IFNB1: variants seen among roughly 807,000 people sequenced by gnomAD.
IFNB1 encodes the protein interferon beta.
For missense variants in IFNB1, 267 were observed against 210.5 expected, an observed-to-expected ratio of 1.27 and a Z score of -1.66; for synonymous variants, 99 against 80.4, an observed-to-expected ratio of 1.23 and a Z score of -1.24.
Position 21,077,758 on chromosome 9 carries a change from A to G in IFNB1, c.112T>C (p.Cys38Arg). 1 of 1,613,894 alleles carries G rather than the reference A, an allele frequency of 6.2e-7. No individual in the cohort carries two copies. Among genetic ancestry groups the G allele is most frequent in the Non-Finnish European group, 8.5e-7 (1 of 1,179,864 alleles). ...GFLQRSSNFQ[C>R]QKLLWQLNGR... is the part of the protein sequence containing the mutation. Reference sequence around the variant, plus strand: ...TTCAATTGCCACAGGAGCTTCTGACACTGAAAATTGCTGCTTCTTTGTAGG... The same window carrying G: ...TTCAATTGCCACAGGAGCTTCTGACGCTGAAAATTGCTGCTTCTTTGTAGG... The change falls in exon 1 of 1, where the codon TGT becomes CGT. Residue 38 changes from cysteine to arginine, a missense_variant. Transcript: ENST00000380232.
Position 21,077,660 on chromosome 9 carries a change from C to T in IFNB1, c.210G>A (p.Gln70=). 6.2e-7 allele frequency: 1 copy of T among 1,613,974 alleles called. No individual in the cohort carries two copies. The highest frequency in any genetic ancestry group is 1.1e-5 in the South Asian group (1 of 91,062). ...DIPEEIKQLQ[Q]FQKEDAALTI... ...TCAATGCGGCGTCCTCCTTCTGGAA[C>T]TGCTGCAGCTGCTTAATCTCCTCAG... Residue 70 remains glutamine, a synonymous_variant, in exon 1 of 1, where the codon CAG becomes CAA. Coordinates refer to ENST00000380232, the MANE Select transcript of IFNB1 (RefSeq NM_002176.4).
At chr9:21,077,467 C>A in the IFNB1 span, 7 of 1,613,974 alleles carry the variant, frequency 4.3e-6, no homozygotes, top group Non-Finnish European at 5.1e-6. Context: ...ATGAGTTTTC[C>A]CCTGGTGAAA....
rs1176132788 is a variant in IFNB1, at chr9:21,077,618, G to C, written c.252C>G (p.Leu84=). 48 of 1,613,952 alleles carry C rather than the reference G, an allele frequency of 3.0e-5. No individual in the cohort carries two copies. Among genetic ancestry groups the C allele is most frequent in the East Asian group, 6.7e-5 (3 of 44,884 alleles). ...GTCTGAAAATAGCAAAGATGTTCTGGAGCATCTCATAGATGGTCAATGCGG... is the reference window on the plus strand; with the variant it reads ...GTCTGAAAATAGCAAAGATGTTCTGCAGCATCTCATAGATGGTCAATGCGG... ...EDAALTIYEM[L]QNIFAIFRQD... Residue 84 remains leucine, a synonymous_variant, in exon 1 of 1, where the codon CTC becomes CTG. Transcript: ENST00000380232.
At position 21,077,861 on chromosome 9, in the gene IFNB1, G is replaced by C; in HGVS notation, c.9C>G (p.Asn3Lys). Residue 3 changes from asparagine to lysine, a missense_variant, in exon 1 of 1, where the codon AAC becomes AAG. By Grantham distance (94) the Asn-to-Lys change is moderately conservative. Transcript: ENST00000380232. ...GGAGAGCAATTTGGAGGAGACACTT[G>C]TTGGTCATGTTGACAACACGAACAG... MTNKCLLQIALLL... is the reference protein window; with the variant it reads MTKKCLLQIALLL... 2 of 1,611,024 alleles carry C rather than the reference G, an allele frequency of 1.2e-6. No homozygotes were observed. The highest frequency in any genetic ancestry group is 1.7e-6 in the Non-Finnish European group (2 of 1,178,462).
At position 21,077,302 on chromosome 9, in the gene IFNB1, A is replaced by G. The variant is rs1328872096; in HGVS notation, c.*4T>C. The G allele has an allele frequency of 2.5e-6, 4 of 1,597,902 alleles. No individual in the cohort carries two copies. The highest frequency in any genetic ancestry group is 2.6e-6 in the Non-Finnish European group (3 of 1,168,458). On this transcript the variant is annotated 3_prime_UTR_variant, in exon 1 of 1. Transcript: ENST00000380232. ...CAGTCCCAGAGGCACAGGCTAGGAGATCTTCAGTTTCGGAGGTAACCTGTA... is the reference window on the plus strand; with the variant it reads ...CAGTCCCAGAGGCACAGGCTAGGAGGTCTTCAGTTTCGGAGGTAACCTGTA...
Position 21,077,722 on chromosome 9 carries a change from C to G in IFNB1, c.148G>C (p.Glu50Gln), listed in dbSNP as rs867006404. Reference protein sequence around the residue: ...KLLWQLNGRLEYCLKDRMNFD... With the variant: ...KLLWQLNGRLQYCLKDRMNFD... ...TTCATCCTGTCCTTGAGGCAGTATT[C>G]AAGCCTCCCATTCAATTGCCACAGG... The change falls in exon 1 of 1, where the codon GAA becomes CAA. Residue 50 changes from glutamate (E) to glutamine (Q), a missense_variant. By Grantham distance (29) the Glu-to-Gln change is conservative. Transcript: ENST00000380232. 3.1e-6 allele frequency: 5 copies of G among 1,613,896 alleles called. No homozygotes were observed. Among genetic ancestry groups the G allele is most frequent in the Non-Finnish European group, 4.2e-6 (5 of 1,179,876 alleles).
chr9:21,077,117 C>A lies in IFNB1; in HGVS notation c.*189G>T. The stretch of plus-strand genomic sequence containing the variant: ...AAAACTGCCATGTTGACTTTTGCAC[C>A]AAAAATAATTTATTTTCCAAAATAA... On this transcript the variant is annotated 3_prime_UTR_variant, in exon 1 of 1. Transcript: ENST00000380232. 2 of 366,344 alleles carry A rather than the reference C, an allele frequency of 5.5e-6. No individual in the cohort carries two copies. Among genetic ancestry groups the A allele is most frequent in the Non-Finnish European group, 9.7e-6 (2 of 207,146 alleles). The allele number at this position is 366,344 out of a possible 1,614,324, so 22.7% of individuals were successfully genotyped here.
In IFNB1 at chr9:21,077,873, G is replaced by A; in HGVS notation, c.-4C>T. The A allele has an allele frequency of 6.2e-7, 1 of 1,607,852 alleles. No individual in the cohort carries two copies. The highest frequency in any genetic ancestry group is 8.5e-7 in the Non-Finnish European group (1 of 1,176,832). ...GGAGGAGACACTTGTTGGTCATGTT[G>A]ACAACACGAACAGTGTCGCCTACTA... On this transcript the variant is annotated 5_prime_UTR_variant, in exon 1 of 1. Transcript: ENST00000380232.
At position 21,077,431 on chromosome 9, in the gene IFNB1, A is replaced by C; in HGVS notation, c.439T>G (p.Tyr147Asp). ...TTCAGGTAATGCAGAATCCTCCCAT[A>C]ATATCTTTTCAGGTGCAGACTGCTC... ...LMSSLHLKRYYGRILHYLKAK... is the reference protein window; with the variant it reads ...LMSSLHLKRYDGRILHYLKAK... The change falls in exon 1 of 1, where the codon TAT becomes GAT. Residue 147 changes from tyrosine (Y) to aspartate (D), a missense_variant. By Grantham distance (160) the Tyr-to-Asp change is radical. Coordinates refer to ENST00000380232, the MANE Select transcript of IFNB1 (RefSeq NM_002176.4). The C allele has an allele frequency of 6.2e-7, 1 of 1,613,726 alleles. No individual in the cohort carries two copies.
rs1377036728 is a variant in IFNB1 at position 21,077,286 on chromosome 9, A to T, written c.*20T>A. ...GCTTGAAGCAATTGTCCAGTCCCAG[A>T]GGCACAGGCTAGGAGATCTTCAGTT... is the stretch of plus-strand genomic sequence containing the variant. On this transcript the variant is annotated 3_prime_UTR_variant, in exon 1 of 1. Coordinates refer to ENST00000380232, the MANE Select transcript of IFNB1 (RefSeq NM_002176.4). The T allele has an allele frequency of 6.5e-7, 1 of 1,547,140 alleles. No individual in the cohort carries two copies. The highest frequency in any genetic ancestry group is 1.7e-5 in the Admixed American group (1 of 57,518).
Position 21,077,934 on chromosome 9 carries a change from A to C in IFNB1, c.-65T>G. Reference sequence around the variant, plus strand: ...CAGAGCAAAGGCTTCGAAAGGTTGCAGTTAGAATGTCCTTTCTCCATGGGT... The same window carrying C: ...CAGAGCAAAGGCTTCGAAAGGTTGCCGTTAGAATGTCCTTTCTCCATGGGT... On this transcript the variant is annotated 5_prime_UTR_variant, in exon 1 of 1. Transcript: ENST00000380232. 8.5e-7 allele frequency: 1 copy of C among 1,177,414 alleles called. No individual in the cohort carries two copies. Among genetic ancestry groups the C allele is most frequent in the East Asian group, 2.5e-5 (1 of 40,388 alleles). 72.9% of individuals were successfully genotyped at this position (1,177,414 alleles called of 1,614,324 possible). A position where few individuals can be genotyped will look rare whatever the true frequency, so the allele number is the denominator to read the frequency against.
Position 21,077,140 on chromosome 9 carries a change from T to C in IFNB1, c.*166A>G, listed in dbSNP as rs1406258770. The C allele has an allele frequency of 4.9e-6, 2 of 406,642 alleles. No homozygotes were observed. Among genetic ancestry groups the C allele is most frequent in the Admixed American group, 4.0e-5 (1 of 24,956 alleles). 25.2% of individuals were successfully genotyped at this position (406,642 alleles called of 1,614,324 possible). Reference sequence around the variant, plus strand: ...ACCAAAAATAATTTATTTTCCAAAATAAAATTTAAATAAATAAAAATAACT... The same window carrying C: ...ACCAAAAATAATTTATTTTCCAAAACAAAATTTAAATAAATAAAAATAACT... On this transcript the variant is annotated 3_prime_UTR_variant, in exon 1 of 1. Transcript: ENST00000380232.
rs565286379 is a variant in IFNB1, at chr9:21,077,519, G to T, written c.351C>A (p.Asn117Lys). Residue 117 changes from asparagine to lysine, a missense_variant, in exon 1 of 1, where the codon AAC (asparagine) becomes AAA (lysine). By Grantham distance (94) the Asn-to-Lys change is moderately conservative. Transcript: ENST00000380232. The stretch of plus-strand genomic sequence containing the variant: ...TTTCTTCCAGGACTGTCTTCAGATG[G>T]TTTATCTGATGATAGACATTAGCCA... ...NLLANVYHQI[N>K]HLKTVLEEKL... The T allele has an allele frequency of 6.8e-6, 11 of 1,612,754 alleles. No homozygotes were observed. The African/African-American group carries it at 1.3e-4, about 20-fold the overall frequency.
chr9:21,077,379 C>T, the IFNB1 span: 1 of 1,613,658 alleles, frequency 6.2e-7, no homozygotes, highest in African/African-American at 1.3e-5. Context: ...GACTATGGTC[C>T]AGGCACAGTG....
chr9:21,077,602 T>C lies in IFNB1; in HGVS notation c.268A>G (p.Ile90Val), dbSNP rs777210554. ...IYEMLQNIFA[I>V]FRQDSSSTGW... The stretch of plus-strand genomic sequence containing the variant: ...GTGCTAGATGAATCTTGTCTGAAAA[T>C]AGCAAAGATGTTCTGGAGCATCTCA... The change falls in exon 1 of 1, where the codon ATT (isoleucine) becomes GTT (valine). Residue 90 changes from isoleucine (I) to valine (V), a missense_variant. Coordinates refer to ENST00000380232, the MANE Select transcript of IFNB1 (RefSeq NM_002176.4). The C allele has an allele frequency of 6.2e-7, 1 of 1,613,928 alleles. No individual in the cohort carries two copies. The highest frequency in any genetic ancestry group is 1.7e-5 in the Admixed American group (1 of 59,988).
Position 21,077,327 on chromosome 9 carries a change from A to G in IFNB1, c.543T>C (p.Leu181=). 2 of 1,612,202 alleles carry G rather than the reference A, an allele frequency of 1.2e-6. No individual in the cohort carries two copies. Among genetic ancestry groups the G allele is most frequent in the Admixed American group, 3.3e-5 (2 of 59,922 alleles). The change falls in exon 1 of 1, where the codon CTT becomes CTC. Residue 181 remains leucine (L), a synonymous_variant. Coordinates refer to ENST00000380232, the MANE Select transcript of IFNB1 (RefSeq NM_002176.4). ...ILRNFYFINR[L]TGYLRN ...ATCTTCAGTTTCGGAGGTAACCTGT[A>G]AGTCTGTTAATGAAGTAAAAGTTCC...
Position 21,077,333 on chromosome 9 carries a change from G to C in IFNB1, c.537C>G (p.Asn179Lys), listed in dbSNP as rs1818731011. The C allele has an allele frequency of 1.2e-6, 2 of 1,613,014 alleles. No homozygotes were observed. Among genetic ancestry groups the C allele is most frequent in the African/African-American group, 1.3e-5 (1 of 74,996 alleles). ...VEILRNFYFINRLTGYLRN is the reference protein window; with the variant it reads ...VEILRNFYFIKRLTGYLRN ...AGTTTCGGAGGTAACCTGTAAGTCTGTTAATGAAGTAAAAGTTCCTTAGGA... is the reference window on the plus strand; with the variant it reads ...AGTTTCGGAGGTAACCTGTAAGTCTCTTAATGAAGTAAAAGTTCCTTAGGA... Residue 179 changes from asparagine (N) to lysine (K), a missense_variant, in exon 1 of 1, where the codon AAC (asparagine) becomes AAG (lysine). Asn to Lys is a moderately conservative substitution (Grantham distance 94, BLOSUM62 0). Transcript: ENST00000380232.
chr9:21,077,301 G>A lies in IFNB1; in HGVS notation c.*5C>T. The A allele has an allele frequency of 6.3e-7, 1 of 1,596,066 alleles. No individual in the cohort carries two copies. The highest frequency in any genetic ancestry group is 8.6e-7 in the Non-Finnish European group (1 of 1,166,920). ...CCAGTCCCAGAGGCACAGGCTAGGA[G>A]ATCTTCAGTTTCGGAGGTAACCTGT... On this transcript the variant is annotated 3_prime_UTR_variant, in exon 1 of 1. Coordinates refer to ENST00000380232, the MANE Select transcript of IFNB1 (RefSeq NM_002176.4).
In IFNB1 at chr9:21,077,562, G is replaced by T. The variant is rs745722882; in HGVS notation, c.308C>A (p.Thr103Asn). The stretch of plus-strand genomic sequence containing the variant: ...ATTAGCCAGGAGGTTCTCAACAATA[G>T]TCTCATTCCAGCCAGTGCTAGATGA... ...QDSSSTGWNE[T>N]IVENLLANVY... The change falls in exon 1 of 1, where the codon ACT becomes AAT. Residue 103 changes from threonine (T) to asparagine (N), a missense_variant. Thr to Asn is a moderately conservative substitution (Grantham distance 65, BLOSUM62 0). Coordinates refer to ENST00000380232, the MANE Select transcript of IFNB1 (RefSeq NM_002176.4). 2 of 1,613,850 alleles carry T rather than the reference G, an allele frequency of 1.2e-6. No individual in the cohort carries two copies. Among genetic ancestry groups the T allele is most frequent in the African/African-American group, 1.3e-5 (1 of 74,894 alleles).
Sources: gnomAD v4.1 joint callset for allele counts on GRCh38, gnomAD v4.1.1 for gene constraint, MANE v1.5 for transcripts, NCBI Gene and HGNC (gene_info 2026-07-23, HGNC 2026-07-21) for gene names.